COL22A1: variants seen among roughly 807,000 people sequenced by gnomAD.
The protein encoded by COL22A1 is collagen type XXII alpha 1 chain, also known as collagen alpha-1(XXII) chain.
Under a neutral mutation model 248.9 loss-of-function variants are expected in COL22A1, and 221 were observed. The observed-to-expected ratio is 0.89, with a 90% CI of 0.80 to 0.99. The LOEUF (loss-of-function observed/expected upper bound fraction) is 0.99. COL22A1 is among the 50% of genes least tolerant of loss of function. The pLI is 0.00. For missense variants in COL22A1, 2,240 were observed against 2,179.0 expected (o/e 1.03, Z -0.56); for synonymous variants, 891 against 793.4 (o/e 1.12, Z -2.07).
At chr8:138,840,188 C>T (rs1820776571) in intron 4 of COL22A1, among the ~76,000 whole-genome samples, 1 of 152,186 alleles carries the variant, frequency 6.6e-6, no homozygotes, top group African/African-American at 2.4e-5. Context: ...AAATTTGAGG[C>T]TCCATCTCTC....
In COL22A1 at chr8:138,628,712, T is replaced by C. The variant is rs180702138; in HGVS notation, c.3663+1983A>G. Among the ~76,000 whole-genome samples, 2 of 151,816 alleles carry C rather than the reference T, an allele frequency of 1.3e-5. 1 individual carries two copies. The highest frequency in any genetic ancestry group is 1.3e-4 in the Admixed American group (2 of 15,272). ...ATGACAGAATCAAAGTCTTATTTAG[T>C]ACAGTTTAATTCCAAGAATGTGGTA... is the stretch of plus-strand genomic sequence containing the variant. On this transcript the variant is annotated intron_variant, in intron 50 of 64. Transcript: ENST00000303045.
At chr8:138,881,299 G>GAAAAA (rs60720644) in intron 2 of COL22A1, among the ~76,000 whole-genome samples, 14 of 139,264 alleles carry the variant, frequency 1.0e-4, no homozygotes, top group Admixed American at 1.4e-4. Context: ...GAGAGGCTCA[G>GAAAAA]AAAAAAAAAA....
chr8:138,607,904 A>T (rs749405405), intron 57 of COL22A1, 32 bp downstream of exon 57: 2 of 1,608,860 alleles, frequency 1.2e-6, no homozygotes, highest in South Asian at 2.2e-5. Context: ...GCCCACCCTG[A>T]TGCCATCACA....
In COL22A1 at chr8:138,700,877, C is replaced by T. The variant is rs367624860; in HGVS notation, c.2560-733G>A. Among the ~76,000 whole-genome samples, 358 of 147,812 alleles carry T rather than the reference C, an allele frequency of 2.4e-3. 1 individual carries two copies. Among genetic ancestry groups the T allele is most frequent in the African/African-American group, 5.6e-3 (224 of 40,010 alleles). On this transcript the variant is annotated intron_variant, in intron 31 of 64. Transcript: ENST00000303045. ...CCGGGTGCCTGTAGTCCCAGCTACT[C>T]GGGAGGCTGAGGCAGGAGAATGGCA...
intron 1 of COL22A1, among the ~76,000 whole-genome samples, chr8:138,884,631 G>C (rs1205382743): frequency 6.6e-6 from 1 of 152,182 alleles, no homozygotes; most frequent in Non-Finnish European, 1.5e-5. Flanking sequence ...TGTTTACAAT[G>C]ACCAGAGGGA....
intron 1 of COL22A1, among the ~76,000 whole-genome samples, chr8:138,906,618 T>C (rs780887421): frequency 9.2e-5 from 14 of 152,036 alleles, no homozygotes; most frequent in South Asian, 2.1e-4. Context: ...TCTGAGAAGA[T>C]AGAAAACATG....
intron 50 of COL22A1, among the ~76,000 whole-genome samples, chr8:138,630,196 T>C (rs1820589531): frequency 6.6e-6 from 1 of 152,212 alleles, no homozygotes; most frequent in South Asian, 2.1e-4. Flanking sequence ...TCGGTTCAAA[T>C]GCCAACTCCA....
chr8:138,735,240 T>C (rs1394862440), intron 23 of COL22A1, among the ~76,000 whole-genome samples: 2 of 152,198 alleles, frequency 1.3e-5, no homozygotes, highest in East Asian at 1.9e-4. Flanking sequence ...GTGGCTGACC[T>C]GAACACAGCT....
Position 138,821,333 on chromosome 8 carries a change from C to G in COL22A1, c.1048G>C (p.Val350Leu). 1 of 1,614,160 alleles carries G rather than the reference C, an allele frequency of 6.2e-7. No individual in the cohort carries two copies. Among genetic ancestry groups the G allele is most frequent in the Non-Finnish European group, 8.5e-7 (1 of 1,180,020 alleles). Residue 350 changes from valine to leucine, a missense_variant, in exon 7 of 65, where the codon GTC (valine) becomes CTC (leucine). Val to Leu is a conservative substitution (Grantham distance 32, BLOSUM62 1). Transcript: ENST00000303045. ...TCATTGACCCGAGAACCTCGGAAGA[C>G]CACCCTGACAGCATCTTTCATGGCA... is the stretch of plus-strand genomic sequence containing the variant. ...VGAMKDAVRV[V>L]FRGSRVNDLF...
Position 138,811,818 on chromosome 8 carries a change from G to T in COL22A1, c.1430C>A (p.Ser477Tyr), listed in dbSNP as rs1458454205. ...QIGFLKTINC[S>Y]CPAGEKGEMG... ...CAATACCTTCTCTCCAGCTGGGCAG[G>T]AGCAGTTGATGGTCTTCAAAAACCC... Residue 477 changes from serine (S) to tyrosine (Y), a missense_variant, in exon 9 of 65, where the codon TCC becomes TAC. Transcript: ENST00000303045. 6.4e-7 allele frequency: 1 copy of T among 1,570,290 alleles called. No individual in the cohort carries two copies. Among genetic ancestry groups the T allele is most frequent in the Non-Finnish European group, 8.7e-7 (1 of 1,153,600 alleles).
intron 56 of COL22A1, among the ~76,000 whole-genome samples, chr8:138,610,962 A>G (rs1818813391): frequency 1.3e-5 from 2 of 152,106 alleles, no homozygotes; most frequent in Non-Finnish European, 2.9e-5. Flanking sequence ...GCTACTTGGG[A>G]AGCTGAGACA....
intron 62 of COL22A1, 79 bp from the exon 63 acceptor site, chr8:138,594,278 C>G: frequency 7.7e-7 from 1 of 1,304,914 alleles, no homozygotes; most frequent in South Asian, 1.4e-5. Context: ...ACTGACAACT[C>G]AGAACCAGGG....
Position 138,703,306 on chromosome 8 carries a change from A to G in COL22A1, c.2559T>C (p.Thr853=). 2 of 1,613,064 alleles carry G rather than the reference A, an allele frequency of 1.2e-6. No homozygotes were observed. Among genetic ancestry groups the G allele is most frequent in the Non-Finnish European group, 1.7e-6 (2 of 1,179,040 alleles). ...AAGAATTAGAAGCGGAGTAACTTAC[A>G]GTTCCAGGTAACCCGGGAGGGCCTG... The part of the protein sequence containing the change: ...GPAGPPGLPG[T]TSLFTPHPRM... The change falls in exon 31 of 65, where the codon ACT becomes ACC. Residue 853 remains threonine, a splice_region_variant and synonymous_variant. Transcript: ENST00000303045.
rs576100178 is a variant in COL22A1, at chr8:138,771,208, C to T, written c.1803+4758G>A. On this transcript the variant is annotated intron_variant, in intron 16 of 64. Transcript: ENST00000303045. ...GGCTGAGGTTACTCCCTGCACCTCACCAGGGGATGATCTTCGCTTCCTGAG... is the reference window on the plus strand; with the variant it reads ...GGCTGAGGTTACTCCCTGCACCTCATCAGGGGATGATCTTCGCTTCCTGAG... Among the ~76,000 whole-genome samples the T allele has an allele frequency of 3.3e-5, 5 of 152,302 alleles. No homozygotes were observed. In the South Asian group the frequency reaches 8.3e-4, roughly 25 times the overall value.
At chr8:138,814,661 G>A (rs1001670998) in intron 7 of COL22A1, among the ~76,000 whole-genome samples, 1 of 152,170 alleles carries the variant, frequency 6.6e-6, no homozygotes, top group Admixed American at 6.5e-5. Flanking sequence ...GATGACTGTA[G>A]CATTGGCCAG....
intron 16 of COL22A1, among the ~76,000 whole-genome samples, chr8:138,772,437 G>A (rs1034873343): frequency 2.0e-5 from 3 of 152,190 alleles, no homozygotes; most frequent in African/African-American, 7.2e-5. Context: ...GAGGCTCTGG[G>A]ACAGGTCCAG....
At chr8:138,664,211 A>ACG (rs1268431929) in intron 41 of COL22A1, among the ~76,000 whole-genome samples, 11 of 47,920 alleles carry the variant, frequency 2.3e-4, no homozygotes, top group South Asian at 1.0e-3. Context: ...GCGCGCGCGC[A>ACG]CACACACACA....
At chr8:138,655,858 C>A in intron 45 of COL22A1, 39 bp downstream of exon 45, 1 of 1,545,514 alleles carries the variant, frequency 6.5e-7, no homozygotes, top group South Asian at 1.1e-5. Context: ...CCGCCATCAC[C>A]ATTTTCAAAA....
chr8:138,697,920 G>A (rs371048325), intron 32 of COL22A1, among the ~76,000 whole-genome samples: 6 of 152,186 alleles, frequency 3.9e-5, no homozygotes, highest in African/African-American at 1.4e-4. Flanking sequence ...TAATTTCCTT[G>A]TTTGCATCTG....
Sources: gnomAD v4.1 joint callset for allele counts (sites outside exome capture counted in the v4.1 genomes callset) on GRCh38, gnomAD v4.1.1 for gene constraint, MANE v1.5 for transcripts, NCBI Gene and HGNC (gene_info 2026-07-23, HGNC 2026-07-21) for gene names.